Variants in SMG1 observed in about 807,000 individuals in gnomAD.
SMG1 encodes the protein SMG1 nonsense mediated mRNA decay associated PI3K related kinase.
Under a neutral mutation model 419.9 loss-of-function variants are expected in SMG1, and 22 were observed. The ratio of observed to expected loss-of-function variants is 0.05; its 90% confidence interval spans 0.04 to 0.07. SMG1 has a LOEUF of 0.07. Ranked by LOEUF, SMG1 falls within the 10% of genes least tolerant of loss-of-function variation. SMG1 has a pLI of 1.00. For missense variants in SMG1, 3,185 were observed against 4,342.0 expected (o/e 0.73, Z 7.49); for synonymous variants, 1,538 against 1,553.5 (o/e 0.99, Z 0.23).
chr16:18,905,480 T>A (rs1393132201), intron 1 of SMG1, among the ~76,000 whole-genome samples: 1 of 152,122 alleles, frequency 6.6e-6, no homozygotes, highest in East Asian at 1.9e-4. Flanking sequence ...GGCTCTAAAA[T>A]CCCATGAGAC....
At chr16:18,843,328 A>T (rs937426861) in intron 39 of SMG1, among the ~76,000 whole-genome samples, 2 of 152,240 alleles carry the variant, frequency 1.3e-5, no homozygotes, top group African/African-American at 4.8e-5. Flanking sequence ...CATTTTTAAC[A>T]GAGAAGTAAC....
chr16:18,812,611 C>CATACACACATAT (rs1261098715), intron 60 of SMG1, among the ~76,000 whole-genome samples: 1 of 83,544 alleles, frequency 1.2e-5, no homozygotes, highest in Non-Finnish European at 2.7e-5. Context: ...CATATATATA[C>CATACACACATAT]ATACACACAT....
At position 18,879,390 on chromosome 16, in the gene SMG1, C is replaced by T. The variant is rs142393245; in HGVS notation, c.1518+105G>A. On this transcript the variant is annotated intron_variant, in intron 11 of 62. Transcript: ENST00000446231. ...TTGGCCTCCCAAAGTGCTGGGATTACAAGCATGAGCCACCATGCCCAGACA... is the reference window on the plus strand; with the variant it reads ...TTGGCCTCCCAAAGTGCTGGGATTATAAGCATGAGCCACCATGCCCAGACA... The T allele has an allele frequency of 2.3e-3, 2,528 of 1,108,532 alleles. 46 individuals are homozygous for T. The African/African-American group carries it at 0.034, about 15-fold the overall frequency. 68.7% of individuals were successfully genotyped at this position (1,108,532 alleles called of 1,614,324 possible). A position where few individuals can be genotyped will look rare whatever the true frequency, so the allele number is the denominator to read the frequency against.
chr16:18,815,740 G>A, intron 58 of SMG1, 89 bp from the exon 59 acceptor site: 1 of 1,100,694 alleles, frequency 9.1e-7, no homozygotes, highest in Non-Finnish European at 1.3e-6. Context: ...AGTAACAAAT[G>A]TTTCAAATAT....
intron 62 of SMG1, among the ~76,000 whole-genome samples, chr16:18,809,866 A>G (rs2031208256): frequency 6.6e-6 from 1 of 152,152 alleles, no homozygotes; most frequent in South Asian, 2.1e-4. Context: ...AGACAGTTAT[A>G]AAGATATGAA....
Position 18,926,400 on chromosome 16 carries a change from A to C in SMG1, c.-359T>G, listed in dbSNP as rs896791693. 4 of 201,752 alleles carry C rather than the reference A, an allele frequency of 2.0e-5. No homozygotes were observed. The highest frequency in any genetic ancestry group is 2.3e-5 in the African/African-American group (1 of 42,568). 12.5% of individuals were successfully genotyped at this position (201,752 alleles called of 1,614,324 possible). A position where few individuals can be genotyped will look rare whatever the true frequency, so the allele number is the denominator to read the frequency against. ...GGTGGCGGCAGCTCCTCACGCTCAC[A>C]CGGCCACTGCTTCCCCGCCTCCCGG... On this transcript the variant is annotated 5_prime_UTR_variant, in exon 1 of 63. Coordinates refer to ENST00000446231, the MANE Select transcript of SMG1 (RefSeq NM_015092.5).
intron 41 of SMG1, among the ~76,000 whole-genome samples, chr16:18,840,239 T>C (rs1485177976): frequency 6.6e-6 from 1 of 152,242 alleles, no homozygotes; most frequent in East Asian, 1.9e-4. Context: ...TTCTTCTTTA[T>C]AATACAGAAT....
intron 8 of SMG1, chr16:18,884,866 C>T (rs2036551716): frequency 1.9e-6 from 1 of 531,446 alleles, no homozygotes; most frequent in African/African-American, 2.0e-5. Context: ...GTACAAACTA[C>T]AAATAACTTG....
At chr16:18,859,345 G>C (rs951579169) in intron 27 of SMG1, 164 bp from the exon 28 acceptor site, 2 of 665,290 alleles carry the variant, frequency 3.0e-6, no homozygotes, top group African/African-American at 3.6e-5. Context: ...CAAGACATTT[G>C]CTTTTGGGGA....
Position 18,925,991 on chromosome 16 carries a change from G to T in SMG1, c.51C>A (p.Gly17=), listed in dbSNP as rs756305316. 1 of 1,573,366 alleles carries T rather than the reference G, an allele frequency of 6.4e-7. No homozygotes were observed. The highest frequency in any genetic ancestry group is 8.6e-7 in the Non-Finnish European group (1 of 1,166,330). ...GSRLSSGGGG[G]GTKYPRSWND... ...TCCAGCTCCGCGGATACTTGGTGCC[G>T]CCGCCGCCGCCGCCGCTGCTCAGCC... Residue 17 remains glycine, a synonymous_variant, in exon 1 of 63, where the codon GGC becomes GGA. Coordinates refer to ENST00000446231, the MANE Select transcript of SMG1 (RefSeq NM_015092.5).
chr16:18,888,029 G>A (rs1412054232), intron 6 of SMG1, among the ~76,000 whole-genome samples: 1 of 151,528 alleles, frequency 6.6e-6, no homozygotes, highest in African/African-American at 2.4e-5. Flanking sequence ...AGCCAGGCTA[G>A]TGGCACACTC....
At chr16:18,844,522 C>T (rs1011845405) in intron 39 of SMG1, among the ~76,000 whole-genome samples, 1 of 86,168 alleles carries the variant, frequency 1.2e-5, no homozygotes, top group African/African-American at 5.2e-5. Context: ...CACACACACA[C>T]GGAAACTCGA....
chr16:18,845,690 GTACAT>G (rs756615350), intron 38 of SMG1, 39 bp from the exon 39 acceptor site: 7 of 1,475,418 alleles, frequency 4.7e-6, no homozygotes, highest in South Asian at 1.2e-5. Flanking sequence ...ACTTAAATGT[GTACAT>G]TAAAGTTTTA....
At position 18,847,593 on chromosome 16, in the gene SMG1, C is replaced by T. The variant is rs1468221303; in HGVS notation, c.5856G>A (p.Val1952=). 4.3e-6 allele frequency: 7 copies of T among 1,613,872 alleles called. No individual in the cohort carries two copies. The highest frequency in any genetic ancestry group is 5.1e-6 in the Non-Finnish European group (6 of 1,179,892). Residue 1952 remains valine (V), a synonymous_variant, in exon 38 of 63, where the codon GTG becomes GTA. Coordinates refer to ENST00000446231, the MANE Select transcript of SMG1 (RefSeq NM_015092.5). ...PTMVLQVQML[V]AELRRVTVLW... is the part of the protein sequence containing the mutation. ...GCACAGTGACCCTGCGCAGTTCAGC[C>T]ACGAGCATCTGAACCTGCATACACA...
intron 13 of SMG1, chr16:18,875,055 C>G (rs2036047864): frequency 6.6e-6 from 1 of 152,044 alleles, no homozygotes; most frequent in Non-Finnish European, 1.5e-5. Flanking sequence ...GGATGGGACC[C>G]AAGTCTAAAC....
intron 1 of SMG1, among the ~76,000 whole-genome samples, chr16:18,907,564 G>A (rs1337371560): frequency 6.6e-6 from 1 of 151,578 alleles, no homozygotes; most frequent in Non-Finnish European, 1.5e-5. Context: ...AAGTGACCCT[G>A]CTTCGCTGGG....
At chr16:18,841,463 T>C (rs2033922713) in intron 41 of SMG1, 102 bp downstream of exon 41, 5 of 1,082,474 alleles carry the variant, frequency 4.6e-6, no homozygotes, top group Non-Finnish European at 6.8e-6. Flanking sequence ...CTTTTCCTTC[T>C]TTAACTGCTT....
At chr16:18,881,614 T>C (rs1289711033) in intron 10 of SMG1, among the ~76,000 whole-genome samples, 1 of 152,224 alleles carries the variant, frequency 6.6e-6, no homozygotes, top group Non-Finnish European at 1.5e-5. Flanking sequence ...ATTTCTTGTG[T>C]CTTTTCCACT....
intron 7 of SMG1, 117 bp from the exon 8 acceptor site, chr16:18,885,279 C>A (rs2036567108): frequency 1.5e-6 from 1 of 645,640 alleles, no homozygotes; most frequent in African/African-American, 1.8e-5. Context: ...ACCTACTTGA[C>A]ATTCTAGAAA....
Sources: allele counts gnomAD v4.1 joint callset (sites outside exome capture counted in the v4.1 genomes callset), GRCh38; gene constraint gnomAD v4.1.1; transcripts MANE v1.5; gene names NCBI Gene and HGNC (gene_info 2026-07-23, HGNC 2026-07-21).